Variants in DNAI4 observed in about 807,000 individuals in gnomAD.
The protein encoded by DNAI4 is dynein axonemal intermediate chain 4.
DNAI4 carries 85 observed loss-of-function variants against 105.8 expected under a neutral mutation model. The observed-to-expected ratio is 0.80, with a 90% CI of 0.67 to 0.96. DNAI4 has a LOEUF of 0.96. Among genes scored for constraint, DNAI4 ranks in the 40% least tolerant of loss-of-function variants. The probability of loss-of-function intolerance (pLI) is 0.00; values close to 1 mark genes in which losing one functional copy is unlikely to be tolerated. For synonymous variants in DNAI4, 352 were observed against 331.5 expected (o/e 1.06, Z -0.67); for missense variants, 1,014 against 1,005.6 (o/e 1.01, Z -0.11).
At position 66,905,203 on chromosome 1, in the gene DNAI4, G is replaced by C. The variant is rs778981179; in HGVS notation, c.343C>G (p.Gln115Glu). Reference sequence around the variant, plus strand: ...ACTCAGAATTCTAAGAATATTACCTGTGTTGTCTTTATATTGGGATTTGGT... The same window carrying C: ...ACTCAGAATTCTAAGAATATTACCTCTGTTGTCTTTATATTGGGATTTGGT... ...EKPNPNIKTT[Q>E]VFDINGTDVT... Residue 115 changes from glutamine (Q) to glutamate (E), a missense_variant and splice_region_variant, in exon 2 of 17, where the codon CAG becomes GAG. Transcript: ENST00000371026. The C allele has an allele frequency of 6.7e-7, 1 of 1,502,158 alleles. No homozygotes were observed. The allele number at this position is 1,502,158 out of a possible 1,614,324, so 93.1% of individuals were successfully genotyped here. A position where few individuals can be genotyped will look rare whatever the true frequency, so the allele number is the denominator to read the frequency against.
At chr1:66,839,952 A>G (rs75170350) in intron 9 of DNAI4, among the ~76,000 whole-genome samples, 9,330 of 152,302 alleles carry the variant, frequency 0.061, 404 homozygotes, top group Non-Finnish European at 0.087. Context: ...TAGTACGGTT[A>G]AAACACAATA....
chr1:66,878,180 GT>G (rs1236891761), intron 4 of DNAI4, among the ~76,000 whole-genome samples: 1 of 151,976 alleles, frequency 6.6e-6, no homozygotes, highest in Non-Finnish European at 1.5e-5. Flanking sequence ...TTCAATATTA[GT>G]TTGTGTTACT....
intron 5 of DNAI4, among the ~76,000 whole-genome samples, chr1:66,874,162 G>T (rs921390920): frequency 6.6e-6 from 1 of 151,484 alleles, no homozygotes; most frequent in East Asian, 1.9e-4. Flanking sequence ...GGATAAAGAG[G>T]GATAGTACAA....
At chr1:66,918,422 C>T (rs1286053088) in intron 1 of DNAI4, among the ~76,000 whole-genome samples, 1 of 152,104 alleles carries the variant, frequency 6.6e-6, no homozygotes, top group Non-Finnish European at 1.5e-5. Context: ...TTTTTTGCCC[C>T]ATTTTTCCTA....
At chr1:66,921,594 A>T (rs1557991828) in intron 1 of DNAI4, among the ~76,000 whole-genome samples, 1 of 152,160 alleles carries the variant, frequency 6.6e-6, no homozygotes, top group Admixed American at 6.5e-5. Context: ...TCCCAAAGGA[A>T]TTTTTCTTAG....
chr1:66,854,356 A>T (rs1646456442), intron 7 of DNAI4, among the ~76,000 whole-genome samples: 1 of 152,204 alleles, frequency 6.6e-6, no homozygotes, highest in African/African-American at 2.4e-5. Context: ...GTGCTGCTGC[A>T]TTCCAGCCTG....
intron 8 of DNAI4, among the ~76,000 whole-genome samples, chr1:66,847,087 A>G (rs1233840973): frequency 6.6e-6 from 1 of 152,218 alleles, no homozygotes; most frequent in Non-Finnish European, 1.5e-5. Context: ...AGAAAGAGCT[A>G]TAGATGCTTA....
chr1:66,832,836 T>C (rs1334108878), intron 13 of DNAI4, among the ~76,000 whole-genome samples: 1 of 152,034 alleles, frequency 6.6e-6, no homozygotes. Context: ...AAACAAAGTA[T>C]CTCCAGATAA....
intron 2 of DNAI4, among the ~76,000 whole-genome samples, chr1:66,900,263 G>A (rs1008073669): frequency 2.0e-5 from 3 of 151,794 alleles, no homozygotes; most frequent in African/African-American, 4.8e-5. Flanking sequence ...CACCACACCC[G>A]GCTAACTTTG....
chr1:66,833,388 C>T (rs1557904130), intron 13 of DNAI4, among the ~76,000 whole-genome samples, 197 bp downstream of exon 13: 1 of 152,082 alleles, frequency 6.6e-6, no homozygotes, highest in Non-Finnish European at 1.5e-5. Context: ...AAGTCATTCC[C>T]TATTTTTCCC....
rs777040085 is a variant in DNAI4, at chr1:66,840,645, C to T, written c.1318G>A (p.Val440Ile). 5 of 1,614,030 alleles carry T rather than the reference C, an allele frequency of 3.1e-6. No individual in the cohort carries two copies. The African/African-American group carries it at 6.7e-5, about 22-fold the overall frequency. Residue 440 changes from valine (V) to isoleucine (I), a missense_variant, in exon 9 of 17, where the codon GTT becomes ATT. Transcript: ENST00000371026. Reference sequence around the variant, plus strand: ...TCTTCATGTTTTGCACTTTCTAAAACATCTTCAGGCTCTTCAGGTTCAGGT... The same window carrying T: ...TCTTCATGTTTTGCACTTTCTAAAATATCTTCAGGCTCTTCAGGTTCAGGT... ...KEPEPEEPED[V>I]LESAKHEEVE...
rs141657965 is a variant in DNAI4, at chr1:66,832,924, C to T, written c.2013+661G>A. Among the ~76,000 whole-genome samples the T allele has an allele frequency of 4.9e-4, 75 of 152,162 alleles. No homozygotes were observed. In the East Asian group the frequency reaches 0.013, roughly 26 times the overall value. Reference sequence around the variant, plus strand: ...TGAAATTAAGTAGTCTTTCTAATCCCCAAATCCTGAGAGTCACCACGTGAA... The same window carrying T: ...TGAAATTAAGTAGTCTTTCTAATCCTCAAATCCTGAGAGTCACCACGTGAA... On this transcript the variant is annotated intron_variant, in intron 13 of 16. Transcript: ENST00000371026.
intron 6 of DNAI4, among the ~76,000 whole-genome samples, chr1:66,867,722 G>T (rs1322819127): frequency 6.6e-6 from 1 of 152,048 alleles, no homozygotes; most frequent in African/African-American, 2.4e-5. Context: ...TCCTGAGGTA[G>T]CTAAGTAGAC....
intron 7 of DNAI4, among the ~76,000 whole-genome samples, chr1:66,856,351 T>C (rs1424292755): frequency 4.6e-5 from 7 of 150,768 alleles, no homozygotes; most frequent in Non-Finnish European, 8.8e-5. Flanking sequence ...CGGGCGCCTG[T>C]AGTCCCAGCT....
At chr1:66,914,283 CA>C (rs1031470245) in intron 1 of DNAI4, among the ~76,000 whole-genome samples, 1 of 152,188 alleles carries the variant, frequency 6.6e-6, no homozygotes, top group African/African-American at 2.4e-5. Flanking sequence ...GGTCAACCTG[CA>C]AACTATAGAG....
chr1:66,817,238 T>C (rs1218522113), intron 16 of DNAI4, among the ~76,000 whole-genome samples: 1 of 152,200 alleles, frequency 6.6e-6, no homozygotes, highest in African/African-American at 2.4e-5. Flanking sequence ...TTAGCATGTT[T>C]TTCACACCAT....
intron 15 of DNAI4, among the ~76,000 whole-genome samples, chr1:66,822,946 T>A (rs1468898961): frequency 6.6e-6 from 1 of 152,124 alleles, no homozygotes; most frequent in Non-Finnish European, 1.5e-5. Flanking sequence ...TTAGGGTACA[T>A]GTGCACAATG....
At chr1:66,841,221 G>A (rs1646141388) in intron 8 of DNAI4, among the ~76,000 whole-genome samples, 1 of 152,176 alleles carries the variant, frequency 6.6e-6, no homozygotes, top group South Asian at 2.1e-4. Flanking sequence ...TTGTTGAAGG[G>A]AAAGAGCTCT....
rs764113217 is a variant in DNAI4, at chr1:66,905,269, T to C, written c.277A>G (p.Lys93Glu). 2.5e-6 allele frequency: 4 copies of C among 1,588,524 alleles called. No homozygotes were observed. In the East Asian group the frequency reaches 6.7e-5, roughly 27 times the overall value. The change falls in exon 2 of 17, where the codon AAA (lysine) becomes GAA (glutamate). Residue 93 changes from lysine to glutamate, a missense_variant. Lys to Glu is a moderately conservative substitution (Grantham distance 56). Transcript: ENST00000371026. The part of the protein sequence containing the change: ...GANQSRMAVS[K>E]TVLIPPELKT... ...AGTTCAGGTGGAATAAGCACGGTTT[T>C]GGACACAGCCATTCTGCTTTGATTT...
Sources: allele counts gnomAD v4.1 joint callset (sites outside exome capture counted in the v4.1 genomes callset), GRCh38; gene constraint gnomAD v4.1.1; transcripts MANE v1.5; gene names NCBI Gene and HGNC (gene_info 2026-07-23, HGNC 2026-07-21).